KLHL7: variants seen among roughly 807,000 people sequenced by gnomAD.
KLHL7 encodes kelch like family member 7.
KLHL7 carries 44 observed loss-of-function variants against 67.4 expected under a neutral mutation model. The ratio of observed to expected loss-of-function variants is 0.65; its 90% CI spans 0.51 to 0.84. KLHL7 has a LOEUF of 0.84. Ranked by LOEUF, KLHL7 falls within the 40% of genes least tolerant of loss-of-function variation. KLHL7 has a pLI of 0.00. For synonymous variants in KLHL7, 252 were observed against 243.3 expected (o/e 1.04, Z -0.33); for missense variants, 362 against 718.1 (o/e 0.50, Z 5.67).
intron 1 of KLHL7, among the ~76,000 whole-genome samples, chr7:23,116,376 A>C (rs926961683): frequency 1.3e-5 from 2 of 152,212 alleles, no homozygotes; most frequent in African/African-American, 4.8e-5. Context: ...AGGCCTTGCA[A>C]ACTCAGCAGC....
At chr7:23,169,288 G>A (rs1315101316) in intron 9 of KLHL7, among the ~76,000 whole-genome samples, 1 of 151,974 alleles carries the variant, frequency 6.6e-6, no homozygotes, top group Non-Finnish European at 1.5e-5. Context: ...AAAAATAAGA[G>A]CTTAATTATA....
Position 23,125,039 on chromosome 7 carries a change from T to G in KLHL7, c.318-9T>G, listed in dbSNP as rs2128460439. On this transcript the variant is annotated splice_polypyrimidine_tract_variant and intron_variant, in intron 3 of 10. Transcript: ENST00000339077. ...TGGGTAACTAATATTCCCTCTAACT[T>G]ATTTGCAGAATTTCCGTGAATAGCA... 2 of 1,609,838 alleles carry G rather than the reference T, an allele frequency of 1.2e-6. No individual in the cohort carries two copies. The highest frequency in any genetic ancestry group is 4.5e-5 in the East Asian group (2 of 44,776).
Position 23,121,871 on chromosome 7 carries a change from G to A in KLHL7, c.121-1906G>A, listed in dbSNP as rs891510091. 4.6e-5 allele frequency among the ~76,000 whole-genome samples: 7 copies of A among 151,868 alleles called. No homozygotes were observed. In the East Asian group the frequency reaches 7.7e-4, roughly 17 times the overall value. On this transcript the variant is annotated intron_variant, in intron 1 of 10. Transcript: ENST00000339077. ...CTAATTTTTTGTATTTTTAGTAGAG[G>A]CGGGATTTCACTGTGTTAGCCAGGA...
At chr7:23,117,040 T>G (rs970877458) in intron 1 of KLHL7, among the ~76,000 whole-genome samples, 2 of 150,356 alleles carry the variant, frequency 1.3e-5, no homozygotes, top group Non-Finnish European at 3.0e-5. Context: ...CTTAATATCT[T>G]TAGCATTAAG....
At chr7:23,133,118 A>G (rs1276805128) in intron 4 of KLHL7, among the ~76,000 whole-genome samples, 2 of 152,152 alleles carry the variant, frequency 1.3e-5, no homozygotes, top group African/African-American at 4.8e-5. Flanking sequence ...AGCTTTGGCT[A>G]TTCTGGGTCT....
intron 8 of KLHL7, among the ~76,000 whole-genome samples, chr7:23,167,252 T>C (rs1785028955): frequency 6.6e-6 from 1 of 152,122 alleles, no homozygotes. Flanking sequence ...TTAAATTGTG[T>C]AATCAAAATA....
intron 6 of KLHL7, among the ~76,000 whole-genome samples, chr7:23,148,159 AG>A (rs1784417364): frequency 6.6e-6 from 1 of 152,212 alleles, no homozygotes; most frequent in African/African-American, 2.4e-5. Flanking sequence ...TAGATTGGAA[AG>A]AAATATATCC....
rs193082643 is a variant in KLHL7 at position 23,135,620 on chromosome 7, C to T, written c.443-5149C>T. ...TAAACATGTATTATCACTAGGCTAT[C>T]AGGCATACATTAGTCTTTATTAGAA... On this transcript the variant is annotated intron_variant, in intron 4 of 10. Coordinates refer to ENST00000339077, the MANE Select transcript of KLHL7 (RefSeq NM_001031710.3). Among the ~76,000 whole-genome samples the T allele has an allele frequency of 1.4e-3, 215 of 152,276 alleles. 1 individual carries two copies. Among genetic ancestry groups the T allele is most frequent in the Non-Finnish European group, 2.2e-3 (152 of 68,024 alleles).
At chr7:23,162,342 T>C (rs1334645268) in intron 7 of KLHL7, among the ~76,000 whole-genome samples, 1 of 152,206 alleles carries the variant, frequency 6.6e-6, no homozygotes, top group African/African-American at 2.4e-5. Context: ...AATAAGATGA[T>C]GTTTTAAAAT....
chr7:23,117,824 A>G (rs141518817), intron 1 of KLHL7: 1,611 of 1,601,362 alleles, frequency 1.0e-3, no homozygotes, highest in Non-Finnish European at 1.3e-3. Flanking sequence ...ATTTCCCTTT[A>G]TGTTTTCAGT....
intron 6 of KLHL7, 85 bp downstream of exon 6, chr7:23,144,110 A>G (rs1784278676): frequency 8.8e-7 from 1 of 1,133,430 alleles, no homozygotes; most frequent in Non-Finnish European, 1.3e-6. Flanking sequence ...GATTAGACTC[A>G]GTAGCCAGGG....
At chr7:23,156,928 A>AAAAG (rs1490395729) in intron 7 of KLHL7, among the ~76,000 whole-genome samples, 1 of 151,874 alleles carries the variant, frequency 6.6e-6, no homozygotes, top group East Asian at 1.9e-4. Context: ...TAAATAAAAG[A>AAAAG]AGAGAAAAAG....
At position 23,168,040 on chromosome 7, in the gene KLHL7, A is replaced by T. The variant is rs749932396; in HGVS notation, c.1379+3A>T. On this transcript the variant is annotated splice_donor_region_variant and intron_variant, in intron 9 of 10. Coordinates refer to ENST00000339077, the MANE Select transcript of KLHL7 (RefSeq NM_001031710.3). The stretch of plus-strand genomic sequence containing the variant: ...GTTTATGATCCTGCCACAGAAACGT[A>T]TGTATCTATTTAAAATTTATTTTAC... 1.9e-6 allele frequency: 3 copies of T among 1,612,276 alleles called. No homozygotes were observed. The African/African-American group carries it at 4.0e-5, about 21-fold the overall frequency.
At chr7:23,146,755 C>T (rs1169001353) in intron 6 of KLHL7, among the ~76,000 whole-genome samples, 13 of 151,262 alleles carry the variant, frequency 8.6e-5, no homozygotes, top group Admixed American at 8.6e-4. Context: ...GATAAGATGG[C>T]TCAATACCAT....
intron 4 of KLHL7, among the ~76,000 whole-genome samples, chr7:23,131,479 C>T (rs1654443678): frequency 6.6e-6 from 1 of 151,912 alleles, no homozygotes; most frequent in South Asian, 2.1e-4. Flanking sequence ...TTCCTTAATG[C>T]CTATTTATTT....
chr7:23,143,723 A>G, intron 5 of KLHL7, 128 bp from the exon 6 acceptor site: 1 of 961,766 alleles, frequency 1.0e-6, no homozygotes, highest in Non-Finnish European at 1.7e-6. Context: ...GTGTCCAGGG[A>G]TGAAAAATAC....
chr7:23,172,349 A>G (rs1182559653), intron 9 of KLHL7, among the ~76,000 whole-genome samples: 2 of 152,232 alleles, frequency 1.3e-5, no homozygotes, highest in Non-Finnish European at 1.5e-5. Flanking sequence ...GTGGCTGTGA[A>G]CAGAGCAACA....
chr7:23,155,210 T>A (rs1402052869), intron 7 of KLHL7, among the ~76,000 whole-genome samples: 1 of 152,174 alleles, frequency 6.6e-6, no homozygotes, highest in Non-Finnish European at 1.5e-5. Flanking sequence ...CCGTGAGAAT[T>A]CATGGCCTGT....
chr7:23,120,112 C>T (rs1011536502), intron 1 of KLHL7, among the ~76,000 whole-genome samples: 3 of 152,054 alleles, frequency 2.0e-5, no homozygotes, highest in Non-Finnish European at 2.9e-5. Flanking sequence ...CGGGCTCAAG[C>T]GATCCTCCCA....
Sources: allele counts gnomAD v4.1 joint callset (sites outside exome capture counted in the v4.1 genomes callset), GRCh38; gene constraint gnomAD v4.1.1; transcripts MANE v1.5; gene names NCBI Gene and HGNC (gene_info 2026-07-23, HGNC 2026-07-21).